The following RELN variants were observed in gnomAD, a reference collection of about 807,000 sequenced individuals.
The protein encoded by RELN is reelin.
Under a neutral mutation model 427.6 loss-of-function variants are expected in RELN, and 108 were observed. The observed-to-expected ratio is 0.25, with a 90% CI of 0.22 to 0.30. The LOEUF (loss-of-function observed/expected upper bound fraction) is 0.30, where lower values mean the gene tolerates loss of function less well. Ranked by LOEUF, RELN falls within the 10% of genes least tolerant of loss-of-function variation. The pLI is 1.00. For synonymous variants in RELN, 1,524 were observed against 1,513.4 expected (o/e 1.01, Z -0.16); for missense variants, 3,715 against 4,302.8 (o/e 0.86, Z 3.82).
intron 51 of RELN, among the ~76,000 whole-genome samples, chr7:103,508,009 C>A (rs779522707): frequency 6.6e-6 from 1 of 152,116 alleles, no homozygotes; most frequent in Non-Finnish European, 1.5e-5. Context: ...CTGAATAGAC[C>A]AATAACAATT....
intron 6 of RELN, among the ~76,000 whole-genome samples, chr7:103,744,509 G>A (rs1584457446): frequency 6.6e-6 from 1 of 152,212 alleles, no homozygotes; most frequent in Admixed American, 6.5e-5. Context: ...AAAACTGATA[G>A]ACCACTAGCA....
chr7:103,724,999 C>G (rs1392369670), intron 7 of RELN, among the ~76,000 whole-genome samples: 2 of 151,776 alleles, frequency 1.3e-5, no homozygotes, highest in African/African-American at 4.8e-5. Context: ...CAAAAGGGGC[C>G]CTTAAAGAGC....
intron 49 of RELN, among the ~76,000 whole-genome samples, chr7:103,516,609 T>C (rs1293882550): frequency 6.7e-6 from 1 of 149,964 alleles, no homozygotes; most frequent in Non-Finnish European, 1.5e-5. Context: ...ATTTTTTTAA[T>C]CTATGCTAAT....
intron 42 of RELN, among the ~76,000 whole-genome samples, chr7:103,544,307 C>T (rs976033143): frequency 5.3e-5 from 7 of 131,966 alleles, no homozygotes; most frequent in Admixed American, 1.7e-4. Flanking sequence ...GGTGTGATCT[C>T]GGCTCACTGC....
intron 2 of RELN, among the ~76,000 whole-genome samples, chr7:103,890,198 CTTTT>C (rs5886284): frequency 0.089 from 13,244 of 148,682 alleles, 745 homozygotes; most frequent in South Asian, 0.13. Flanking sequence ...GCACTCTGAA[CTTTT>C]TTTTTTTTTT....
At chr7:103,811,860 A>G (rs1211027371) in intron 3 of RELN, among the ~76,000 whole-genome samples, 1 of 152,234 alleles carries the variant, frequency 6.6e-6, no homozygotes, top group Non-Finnish European at 1.5e-5. Context: ...CATGTCAGGT[A>G]TTAAATCCAA....
At chr7:103,852,808 TAGC>T (rs1473328981) in intron 2 of RELN, among the ~76,000 whole-genome samples, 1 of 152,088 alleles carries the variant, frequency 6.6e-6, no homozygotes, top group East Asian at 1.9e-4. Flanking sequence ...TATATATTGG[TAGC>T]AGATTATGTA....
rs1027686947 is a variant in RELN, at chr7:103,617,617, T to C, written c.2703-5814A>G. ...TATATATATTCCTTTCAGATATATA[T>C]ATACACATTTATTATATATATACAT... On this transcript the variant is annotated intron_variant, in intron 20 of 64. Coordinates refer to ENST00000428762, the MANE Select transcript of RELN (RefSeq NM_005045.4). 2.6e-5 allele frequency among the ~76,000 whole-genome samples: 4 copies of C among 151,844 alleles called. No individual in the cohort carries two copies. The East Asian group carries it at 7.7e-4, about 29-fold the overall frequency.
intron 2 of RELN, among the ~76,000 whole-genome samples, chr7:103,876,628 A>G (rs570731438): frequency 5.3e-5 from 8 of 152,154 alleles, no homozygotes; most frequent in Non-Finnish European, 8.8e-5. Context: ...TTTTATTTGC[A>G]CTGTGTGAAC....
At chr7:103,936,167 A>C (rs949508204) in intron 1 of RELN, among the ~76,000 whole-genome samples, 2 of 150,844 alleles carry the variant, frequency 1.3e-5, no homozygotes, top group Admixed American at 6.7e-5. Context: ...ATCTCAGCTC[A>C]CTGAGACCTC....
chr7:103,781,944 T>C (rs1315431082), intron 3 of RELN, among the ~76,000 whole-genome samples: 1 of 152,164 alleles, frequency 6.6e-6, no homozygotes, highest in African/African-American at 2.4e-5. Context: ...AAATAATTTT[T>C]CTTAAGAGTT....
intron 1 of RELN, among the ~76,000 whole-genome samples, chr7:103,939,999 T>C (rs17157475): frequency 0.15 from 23,530 of 152,208 alleles, 1,920 homozygotes; most frequent in East Asian, 0.22. Flanking sequence ...AACTCAACAA[T>C]CTGTACATGT....
At chr7:103,600,408 A>G (rs1831637921) in intron 24 of RELN, among the ~76,000 whole-genome samples, 1 of 152,138 alleles carries the variant, frequency 6.6e-6, no homozygotes, top group African/African-American at 2.4e-5. Flanking sequence ...GGCCGCCAGG[A>G]GTCTTCCCTG....
At chr7:103,520,077 T>G (rs1162750043) in intron 48 of RELN, among the ~76,000 whole-genome samples, 1 of 152,072 alleles carries the variant, frequency 6.6e-6, no homozygotes, top group Non-Finnish European at 1.5e-5. Flanking sequence ...AATATGAATG[T>G]TTATTTGGGC....
rs532899528 is a variant in RELN, at chr7:103,546,103, T to C, written c.6303-759A>G. On this transcript the variant is annotated intron_variant, in intron 41 of 64. Transcript: ENST00000428762. ...ATCACCTCTTTCTAGTTTCAAGACA[T>C]TTTTATCACCCCAAAAGGAAACCCC... is the stretch of plus-strand genomic sequence containing the variant. Among the ~76,000 whole-genome samples, 3 of 152,334 alleles carry C rather than the reference T, an allele frequency of 2.0e-5. No homozygotes were observed. In the East Asian group the frequency reaches 5.8e-4, roughly 29 times the overall value.
At position 103,540,221 on chromosome 7, in the gene RELN, G is replaced by A. The variant is rs747931938; in HGVS notation, c.6906C>T (p.Phe2302=). 11 of 1,614,068 alleles carry A rather than the reference G, an allele frequency of 6.8e-6. No homozygotes were observed. Among genetic ancestry groups the A allele is most frequent in the African/African-American group, 2.7e-5 (2 of 74,926 alleles). Residue 2302 remains phenylalanine, a synonymous_variant, in exon 44 of 65, where the codon TTC becomes TTT. Coordinates refer to ENST00000428762, the MANE Select transcript of RELN (RefSeq NM_005045.4). ...RWWQPSENGH[F]YSPWVIDQIL... Reference sequence around the variant, plus strand: ...CCTGATCGATAACCCAGGGGCTGTAGAAGTGCCCATTCTCAGACGGTTGCC... The same window carrying A: ...CCTGATCGATAACCCAGGGGCTGTAAAAGTGCCCATTCTCAGACGGTTGCC...
intron 28 of RELN, among the ~76,000 whole-genome samples, chr7:103,584,361 G>A (rs532861434): frequency 1.3e-5 from 2 of 152,050 alleles, no homozygotes; most frequent in South Asian, 4.2e-4. Flanking sequence ...AACATAAAGG[G>A]GTGGAAAAAG....
At chr7:103,756,872 G>GA (rs775670244) in intron 4 of RELN, among the ~76,000 whole-genome samples, 17 of 152,110 alleles carry the variant, frequency 1.1e-4, no homozygotes, top group Non-Finnish European at 1.9e-4. Flanking sequence ...AAATTTTCCT[G>GA]AAAAAGATTC....
chr7:103,889,759 A>G (rs1173705860), intron 2 of RELN, among the ~76,000 whole-genome samples: 1 of 152,170 alleles, frequency 6.6e-6, no homozygotes, highest in East Asian at 1.9e-4. Flanking sequence ...AGTTATCTAC[A>G]AAGACTCAAA....
Sources: allele counts gnomAD v4.1 joint callset (sites outside exome capture counted in the v4.1 genomes callset), GRCh38; gene constraint gnomAD v4.1.1; transcripts MANE v1.5; gene names NCBI Gene and HGNC (gene_info 2026-07-23, HGNC 2026-07-21).